GRIPAP1: variants seen among roughly 807,000 people sequenced by gnomAD.
The protein encoded by GRIPAP1 is GRIP1 associated protein 1.
GRIPAP1 carries 14 observed loss-of-function variants against 84.1 expected under a neutral mutation model. That is an observed-to-expected ratio of 0.17 (90% CI 0.11 to 0.26). The LOEUF is 0.26. Among genes scored for constraint, GRIPAP1 ranks in the 10% least tolerant of loss-of-function variants. The pLI is 1.00. For synonymous variants in GRIPAP1, 261 were observed against 256.8 expected, an observed-to-expected ratio of 1.02 and a Z score of -0.15; for missense variants, 518 against 674.2, an observed-to-expected ratio of 0.77 and a Z score of 2.57.
intron 6 of GRIPAP1, among the ~76,000 whole-genome samples, chrX:48,991,789 G>A (rs893855664): frequency 6.3e-5 from 7 of 110,519 alleles, no homozygotes; most frequent in African/African-American, 9.8e-5. Context: ...GCAGTGAGCC[G>A]CGATCGAGCC....
chrX:48,991,031 C>T lies in GRIPAP1; in HGVS notation c.537G>A (p.Leu179=), dbSNP rs782762645. The part of the protein sequence containing the change: ...SEGQGDPPGG[L]APTVLAPMPL... ...GCATGGGGGCCAGGACGGTGGGGGC[C>T]AGGCCCCCTGGGGGATCCCCCTGGC... The change falls in exon 7 of 26, where the codon CTG becomes CTA. Residue 179 remains leucine (L), a synonymous_variant. Transcript: ENST00000376423. 1.5e-5 allele frequency: 18 copies of T among 1,194,550 alleles called. No homozygotes were observed. The South Asian group carries it at 2.7e-4, about 18-fold the overall frequency.
chrX:48,982,351 G>A (rs1281497141), intron 17 of GRIPAP1, among the ~76,000 whole-genome samples: 1 of 112,209 alleles, frequency 8.9e-6, no homozygotes, highest in Non-Finnish European at 1.9e-5. Flanking sequence ...GCCTTTCAGT[G>A]TATTATGAGA....
At chrX:48,995,394 C>G (rs2064541973) in intron 5 of GRIPAP1, among the ~76,000 whole-genome samples, 1 of 111,450 alleles carries the variant, frequency 9.0e-6, no homozygotes, top group Non-Finnish European at 1.9e-5. Flanking sequence ...ATACCAGGGG[C>G]TCTGAACTAG....
chrX:48,999,093 A>G (rs2064562287), intron 3 of GRIPAP1, 145 bp downstream of exon 3: 1 of 399,202 alleles, frequency 2.5e-6, no homozygotes, highest in African/African-American at 2.5e-5. Flanking sequence ...AGAGAATTCC[A>G]TTGAGAATCC....
rs1238796718 is a variant in GRIPAP1 at position 48,985,385 on chromosome X, G to A, written c.1059C>T (p.Thr353=). ...GTTCCCGGAGCATATTCAGTTCTTG[G>A]GTCTTTGCTGTTTGGATCTGGAGAA... ...AALEQIQTAK[T]QELNMLREQT... is the part of the protein sequence containing the mutation. The change falls in exon 14 of 26, where the codon ACC becomes ACT. Residue 353 remains threonine, a synonymous_variant. Transcript: ENST00000376423. 8.3e-7 allele frequency: 1 copy of A among 1,209,912 alleles called. No individual in the cohort carries two copies. The highest frequency in any genetic ancestry group is 1.7e-5 in the African/African-American group (1 of 57,707).
At chrX:48,989,244 C>G (rs1182087343) in intron 11 of GRIPAP1, among the ~76,000 whole-genome samples, 1 of 111,182 alleles carries the variant, frequency 9.0e-6, no homozygotes, top group East Asian at 2.8e-4. Context: ...ATCCCAGCCC[C>G]TAAAGATTTC....
At position 48,988,461 on chromosome X, in the gene GRIPAP1, C is replaced by T. The variant is rs932082737; in HGVS notation, c.871-263G>A. ...CCCTAGCTGCTACGCGGTTCAAACT[C>T]ACTCAGCTCCCATCCATAAGAAGTC... On this transcript the variant is annotated intron_variant, in intron 11 of 25. Coordinates refer to ENST00000376423, the MANE Select transcript of GRIPAP1 (RefSeq NM_020137.5). The T allele has an allele frequency of 8.4e-6, 3 of 359,183 alleles. No individual in the cohort carries two copies. In the Admixed American group the frequency reaches 1.4e-4, roughly 16 times the overall value. The allele number at this position is 359,183 out of a possible 1,213,427, so 29.6% of individuals were successfully genotyped here.
At chrX:48,994,731 A>C (rs1819069786) in intron 5 of GRIPAP1, among the ~76,000 whole-genome samples, 1 of 111,999 alleles carries the variant, frequency 8.9e-6, no homozygotes, top group South Asian at 3.7e-4. Context: ...ACAAGCACAG[A>C]TTCTGAAACC....
At chrX:48,999,387 G>A (rs782791207) in intron 2 of GRIPAP1, 51 bp downstream of exon 2, 22 of 1,125,820 alleles carry the variant, frequency 2.0e-5, no homozygotes, top group Non-Finnish European at 2.6e-5. Context: ...GGAAAACCTC[G>A]GACACCATTC....
intron 19 of GRIPAP1, 61 bp from the exon 20 acceptor site, chrX:48,981,533 TC>T (rs2064457033): frequency 8.6e-7 from 1 of 1,164,082 alleles, no homozygotes; most frequent in South Asian, 1.8e-5. Context: ...GCATGCTCCC[TC>T]CCTGCCCCTC....
At chrX:48,997,203 T>A (rs367579871) in intron 5 of GRIPAP1, 47 bp downstream of exon 5, 1 of 703,735 alleles carries the variant, frequency 1.4e-6, no homozygotes. Context: ...TCAGCCCAGA[T>A]GACCCCTACC....
intron 22 of GRIPAP1, 52 bp downstream of exon 22, chrX:48,978,253 A>G (rs374438499): frequency 1.2e-5 from 14 of 1,186,795 alleles, no homozygotes; most frequent in Middle Eastern, 4.7e-4. Flanking sequence ...AGGGGTTCTC[A>G]GATTTTTGGG....
intron 19 of GRIPAP1, 39 bp downstream of exon 19, chrX:48,981,557 G>T (rs1420917030): frequency 8.5e-7 from 1 of 1,170,032 alleles, no homozygotes. Context: ...GTACGCTGAG[G>T]ATCAGGGGTG....
At chrX:48,988,021 G>T in intron 12 of GRIPAP1, 100 bp downstream of exon 12, 1 of 676,063 alleles carries the variant, frequency 1.5e-6, no homozygotes. Context: ...GAAGGCCTGG[G>T]GGAAGCAGGA....
chrX:48,978,868 C>G (rs1237498475), intron 21 of GRIPAP1, among the ~76,000 whole-genome samples: 1 of 104,026 alleles, frequency 9.6e-6, no homozygotes, highest in Non-Finnish European at 1.9e-5. Flanking sequence ...GCACTCCAGC[C>G]TGGGTGACAG....
intron 25 of GRIPAP1, among the ~76,000 whole-genome samples, chrX:48,974,778 T>C (rs2064413403): frequency 9.0e-6 from 1 of 111,347 alleles, no homozygotes; most frequent in East Asian, 2.8e-4. Flanking sequence ...GGCAGGTAAC[T>C]GGGTGGGTGA....
In GRIPAP1 at chrX:48,998,141, G is replaced by A; in HGVS notation, c.198+13C>T. On this transcript the variant is annotated intron_variant, in intron 4 of 25. Transcript: ENST00000376423. Reference sequence around the variant, plus strand: ...ATCTCCCAGTCACACTCACCCACAAGGGATCCCCTTACCTGAGCTTTCTTG... The same window carrying A: ...ATCTCCCAGTCACACTCACCCACAAAGGATCCCCTTACCTGAGCTTTCTTG... 1 of 1,179,194 alleles carries A rather than the reference G, an allele frequency of 8.5e-7. No individual in the cohort carries two copies. Among genetic ancestry groups the A allele is most frequent in the Non-Finnish European group, 1.2e-6 (1 of 866,507 alleles).
Position 49,002,183 on chromosome X carries a change from G to T in GRIPAP1, c.42+5C>A, listed in dbSNP as rs1351542097. 5.2e-6 allele frequency: 6 copies of T among 1,159,167 alleles called. No homozygotes were observed. Among genetic ancestry groups the T allele is most frequent in the South Asian group, 1.8e-5 (1 of 54,467 alleles). Reference sequence around the variant, plus strand: ...CCGGGTGGTCTTTCCCACCGCGAGCGGCACCTGCATCCGCTGAAACTCCTC... The same window carrying T: ...CCGGGTGGTCTTTCCCACCGCGAGCTGCACCTGCATCCGCTGAAACTCCTC... On this transcript the variant is annotated splice_donor_5th_base_variant and intron_variant, in intron 1 of 25. Transcript: ENST00000376423.
intron 11 of GRIPAP1, chrX:48,988,614 G>A: frequency 6.8e-6 from 1 of 147,265 alleles, no homozygotes; most frequent in Non-Finnish European, 1.4e-5. Flanking sequence ...AACCACCAGG[G>A]GTTTCAGACA....
Sources: allele counts gnomAD v4.1 joint callset (sites outside exome capture counted in the v4.1 genomes callset), GRCh38; gene constraint gnomAD v4.1.1; transcripts MANE v1.5; gene names NCBI Gene and HGNC (gene_info 2026-07-23, HGNC 2026-07-21).